Variants in PCDH15 observed in about 807,000 individuals in gnomAD.
The protein encoded by PCDH15 is protocadherin related 15.
A neutral mutation model predicts 178.5 loss-of-function variants in PCDH15; 129 were observed. The observed-to-expected ratio is 0.72, with a 90% CI of 0.63 to 0.84. PCDH15 has a LOEUF of 0.84. Ranked by LOEUF, PCDH15 falls within the 40% of genes least tolerant of loss-of-function variation. The probability of loss-of-function intolerance (pLI) is 0.00; values close to 1 mark genes in which losing one functional copy is unlikely to be tolerated. For missense variants in PCDH15, 2,230 were observed against 2,099.9 expected (o/e 1.06, Z -1.21); for synonymous variants, 800 against 732.0 (o/e 1.09, Z -1.50).
At chr10:54,954,746 T>C (rs1390413705) in intron 2 of PCDH15, among the ~76,000 whole-genome samples, 1 of 151,454 alleles carries the variant, frequency 6.6e-6, no homozygotes, top group African/African-American at 2.4e-5. Context: ...AAGAATATTG[T>C]TACTTATTTT....
chr10:54,298,950 G>A (rs780611156), intron 8 of PCDH15, among the ~76,000 whole-genome samples: 5 of 152,194 alleles, frequency 3.3e-5, no homozygotes, highest in Non-Finnish European at 7.3e-5. Flanking sequence ...GCTGCAATAT[G>A]GAAAGAAAGG....
chr10:54,337,326 A>G (rs1014619042), intron 6 of PCDH15, among the ~76,000 whole-genome samples: 13 of 151,978 alleles, frequency 8.6e-5, no homozygotes, highest in South Asian at 2.1e-4. Flanking sequence ...AGGACATGAG[A>G]TTTGGGAGGT....
intron 2 of PCDH15, among the ~76,000 whole-genome samples, chr10:55,162,051 G>A (rs962200996): frequency 6.6e-6 from 1 of 152,076 alleles, no homozygotes; most frequent in Non-Finnish European, 1.5e-5. Flanking sequence ...TCTGAGTGAT[G>A]TGGATAATTA....
At chr10:55,611,461 C>T (rs1257101831) in intron 2 of PCDH15, among the ~76,000 whole-genome samples, 1 of 151,896 alleles carries the variant, frequency 6.6e-6, no homozygotes, top group African/African-American at 2.4e-5. Flanking sequence ...GAGATTTCAC[C>T]TTACTCATTT....
chr10:54,778,065 G>A (rs1051908681), intron 1 of PCDH15, among the ~76,000 whole-genome samples: 1 of 152,220 alleles, frequency 6.6e-6, no homozygotes, highest in Non-Finnish European at 1.5e-5. Context: ...AAACAAGGAA[G>A]AATTCACGAG....
chr10:55,586,330 A>C (rs1191499995), intron 2 of PCDH15, among the ~76,000 whole-genome samples: 1 of 151,926 alleles, frequency 6.6e-6, no homozygotes, highest in Non-Finnish European at 1.5e-5. Flanking sequence ...AGTAATTTCT[A>C]TTTTAAATAA....
intron 9 of PCDH15, among the ~76,000 whole-genome samples, chr10:54,215,699 A>C (rs2051947971): frequency 6.6e-6 from 1 of 152,228 alleles, no homozygotes; most frequent in Non-Finnish European, 1.5e-5. Context: ...GGTGAGACAC[A>C]ATGAACAAAG....
At chr10:54,750,161 G>T (rs1239484754) in intron 1 of PCDH15, among the ~76,000 whole-genome samples, 1 of 151,890 alleles carries the variant, frequency 6.6e-6, no homozygotes, top group Non-Finnish European at 1.5e-5. Context: ...AGTTAAAAAT[G>T]CAGTTGGAGA....
rs2092979097 is a variant in PCDH15, at chr10:54,023,185, C to G, written c.2233G>C (p.Asp745His). Residue 745 changes from aspartate (D) to histidine (H), a missense_variant, in exon 19 of 38, where the codon GAT (aspartate) becomes CAT (histidine). By Grantham distance (81) the Asp-to-His change is moderately conservative. Transcript: ENST00000644397. Reference protein sequence around the residue: ...FVGQVKATDPDAGINGQVHYS... With the variant: ...FVGQVKATDPHAGINGQVHYS... Reference sequence around the variant, plus strand: ...TGCACTTGACCATTTATTCCAGCATCAGGGTCTGTTGCCTATTAAATAAAA... The same window carrying G: ...TGCACTTGACCATTTATTCCAGCATGAGGGTCTGTTGCCTATTAAATAAAA... 2 of 1,613,304 alleles carry G rather than the reference C, an allele frequency of 1.2e-6. No individual in the cohort carries two copies. Among genetic ancestry groups the G allele is most frequent in the Non-Finnish European group, 1.7e-6 (2 of 1,179,828 alleles).
intron 2 of PCDH15, among the ~76,000 whole-genome samples, chr10:54,646,057 T>A (rs1349119834): frequency 6.6e-6 from 1 of 152,178 alleles, no homozygotes; most frequent in African/African-American, 2.4e-5. Flanking sequence ...TATTTTATAT[T>A]CACACACTAC....
At chr10:54,421,847 C>CTA (rs372564880) in intron 3 of PCDH15, among the ~76,000 whole-genome samples, 9,066 of 93,348 alleles carry the variant, frequency 0.097, 524 homozygotes, top group Admixed American at 0.14. Context: ...TACACACACA[C>CTA]TATATATATA....
At chr10:55,497,319 G>A (rs888578545) in intron 2 of PCDH15, among the ~76,000 whole-genome samples, 1 of 151,282 alleles carries the variant, frequency 6.6e-6, no homozygotes, top group African/African-American at 2.4e-5. Context: ...ATTTTTTGTA[G>A]AGACAAGGTC....
chr10:54,536,563 A>C (rs1781450), intron 2 of PCDH15, among the ~76,000 whole-genome samples: 1 of 151,888 alleles, frequency 6.6e-6, no homozygotes, highest in Non-Finnish European at 1.5e-5. Context: ...GGTATACTGT[A>C]AGGTTTGGGA....
At chr10:54,710,414 A>G (rs2095417103) in intron 1 of PCDH15, among the ~76,000 whole-genome samples, 1 of 152,060 alleles carries the variant, frequency 6.6e-6, no homozygotes, top group Admixed American at 6.6e-5. Flanking sequence ...TTTTTACTGT[A>G]GGTTAAATTT....
intron 25 of PCDH15, among the ~76,000 whole-genome samples, chr10:53,923,913 T>C (rs2084229069): frequency 1.3e-5 from 2 of 152,362 alleles, no homozygotes; most frequent in South Asian, 2.1e-4. Context: ...TTCATTTTTC[T>C]CTCTTGACAG....
At chr10:55,004,191 T>C (rs1031995699) in intron 2 of PCDH15, among the ~76,000 whole-genome samples, 2 of 152,124 alleles carry the variant, frequency 1.3e-5, no homozygotes, top group South Asian at 2.1e-4. Context: ...GAAAACTATA[T>C]AATTATATTA....
At chr10:55,410,208 G>A (rs191530406) in intron 2 of PCDH15, among the ~76,000 whole-genome samples, 134 of 152,130 alleles carry the variant, frequency 8.8e-4, no homozygotes, top group South Asian at 5.8e-3. Context: ...AATATAAGCT[G>A]TAACTCACTT....
intron 2 of PCDH15, among the ~76,000 whole-genome samples, chr10:55,047,718 C>A (rs1167692539): frequency 6.6e-6 from 1 of 151,538 alleles, no homozygotes; most frequent in Admixed American, 6.6e-5. Flanking sequence ...ATACAATTCC[C>A]CTACTTTCCA....
At chr10:54,548,287 A>T (rs2086114918) in intron 2 of PCDH15, among the ~76,000 whole-genome samples, 1 of 148,382 alleles carries the variant, frequency 6.7e-6, no homozygotes, top group East Asian at 1.9e-4. Context: ...ATAGAGACAT[A>T]AAAATATTTT....
Sources: allele counts gnomAD v4.1 joint callset (sites outside exome capture counted in the v4.1 genomes callset), GRCh38; gene constraint gnomAD v4.1.1; transcripts MANE v1.5; gene names NCBI Gene and HGNC (gene_info 2026-07-23, HGNC 2026-07-21).